Variants in SLC12A7 observed in about 807,000 individuals in gnomAD.
The protein encoded by SLC12A7 is K-Cl cotransporter 4.
In SLC12A7, 100 loss-of-function variants were observed where a neutral mutation model predicts 120.6. The ratio of observed to expected loss-of-function variants is 0.83; its 90% CI spans 0.71 to 0.98. SLC12A7 has a LOEUF of 0.98. SLC12A7 is among the 50% of genes least tolerant of loss of function. SLC12A7 has a pLI of 0.00. For synonymous variants in SLC12A7, 760 were observed against 678.0 expected (o/e 1.12, Z -1.88); for missense variants, 1,373 against 1,548.1 (o/e 0.89, Z 1.90).
At position 1,083,887 on chromosome 5, in the gene SLC12A7, G is replaced by A; in HGVS notation, c.987C>T (p.Ile329=). 3 of 1,608,416 alleles carry A rather than the reference G, an allele frequency of 1.9e-6. No homozygotes were observed. The highest frequency in any genetic ancestry group is 2.5e-6 in the Non-Finnish European group (3 of 1,178,612). Residue 329 remains isoleucine, a synonymous_variant, in exon 8 of 24, where the codon ATC becomes ATT. Coordinates refer to ENST00000264930, the MANE Select transcript of SLC12A7 (RefSeq NM_006598.3). Reference sequence around the variant, plus strand: ...GCGCGGAGGTGGCTGAGTTGTTGTGGATGCCGTAGGCCTTGACGCAGGCAT... The same window carrying A: ...GCGCGGAGGTGGCTGAGTTGTTGTGAATGCCGTAGGCCTTGACGCAGGCAT... ...SFDACVKAYG[I]HNNSATSALW...
intron 1 of SLC12A7, among the ~76,000 whole-genome samples, chr5:1,095,007 G>A (rs1410416354): frequency 1.6e-5 from 2 of 127,610 alleles, no homozygotes; most frequent in Non-Finnish European, 3.6e-5. Context: ...AGATAGGGTC[G>A]GTAGGAGGTG....
At chr5:1,137,263 C>T in the SLC12A7 span, among the ~76,000 whole-genome samples, 40 of 152,262 alleles carry the variant, frequency 2.6e-4, no homozygotes, top group African/African-American at 8.4e-4. Context: ...AGGCACGATC[C>T]GGAGCCACTT....
rs115953088 is a variant in SLC12A7, at chr5:1,058,727, T to C, written c.2848-1078A>G. 9.6e-3 allele frequency among the ~76,000 whole-genome samples: 1,459 copies of C among 152,316 alleles called. 20 individuals carry two copies. Among genetic ancestry groups the C allele is most frequent in the African/African-American group, 0.033 (1,375 of 41,576 alleles). ...ACAGTGGGCCCCAGGCCTCTACTCA[T>C]TGTGGCGCCCGGCCCAGCCTAAATT... On this transcript the variant is annotated intron_variant, in intron 21 of 23. Coordinates refer to ENST00000264930, the MANE Select transcript of SLC12A7 (RefSeq NM_006598.3).
In SLC12A7 at chr5:1,057,461, G is replaced by A. The variant is rs370295662; in HGVS notation, c.3026+10C>T. ...TCTGTTCCCCCCAGGCCACACGCAC[G>A]GACACTCACGGCTTCATGCTGAAGA... On this transcript the variant is annotated intron_variant, in intron 22 of 23. Transcript: ENST00000264930. 2.2e-4 allele frequency: 356 copies of A among 1,604,864 alleles called. No individual in the cohort carries two copies. Among genetic ancestry groups the A allele is most frequent in the Non-Finnish European group, 2.8e-4 (326 of 1,177,056 alleles).
At chr5:1,082,530 G>A (rs1322911985) in intron 8 of SLC12A7, among the ~76,000 whole-genome samples, 1 of 141,216 alleles carries the variant, frequency 7.1e-6, no homozygotes, top group African/African-American at 2.7e-5. Flanking sequence ...TCCCGTCTCA[G>A]GTTCTGGAAA....
chr5:1,151,878 C>A, the SLC12A7 span, among the ~76,000 whole-genome samples: 22 of 152,278 alleles, frequency 1.4e-4, no homozygotes, highest in African/African-American at 5.1e-4. The surrounding 1 kb of genome is among the most constrained non-coding windows in gnomAD (Gnocchi z 6.2). Flanking sequence ...TCTGGGGGCA[C>A]GCCAGGTGAC....
chr5:1,069,226 A>G (rs1243834829), intron 17 of SLC12A7, among the ~76,000 whole-genome samples: 1 of 152,186 alleles, frequency 6.6e-6, no homozygotes, highest in Non-Finnish European at 1.5e-5. Context: ...ACGTGGCGGG[A>G]GCGGCGGGGG....
Position 1,085,402 on chromosome 5 carries a change from G to T in SLC12A7, c.747C>A (p.His249Gln), listed in dbSNP as rs1324534032. 1 of 1,611,148 alleles carries T rather than the reference G, an allele frequency of 6.2e-7. No individual in the cohort carries two copies. Among genetic ancestry groups the T allele is most frequent in the Non-Finnish European group, 8.5e-7 (1 of 1,179,286 alleles). The change falls in exon 7 of 24, where the codon CAC becomes CAA. Residue 249 changes from histidine to glutamine, a missense_variant. Physicochemically the swap from His to Gln is conservative, Grantham distance 24. Transcript: ENST00000264930. ...AAGGEAAAML[H>Q]NMRVYGTCTL... ...TGCACGTGCCGTACACACGCATGTTGTGCAGCATGGCGGCCGCCTCGCCAC... is the reference window on the plus strand; with the variant it reads ...TGCACGTGCCGTACACACGCATGTTTTGCAGCATGGCGGCCGCCTCGCCAC...
At chr5:1,053,905 A>C (rs976426841) in intron 22 of SLC12A7, among the ~76,000 whole-genome samples, 2 of 152,150 alleles carry the variant, frequency 1.3e-5, no homozygotes, top group African/African-American at 4.8e-5. Context: ...TCGCCCCTAA[A>C]CCCCACGTCA....
At chr5:1,137,268 C>A in the SLC12A7 span, among the ~76,000 whole-genome samples, 1 of 152,178 alleles carries the variant, frequency 6.6e-6, no homozygotes, top group African/African-American at 2.4e-5. Flanking sequence ...CGATCCGGAG[C>A]CACTTCCTGC....
At chr5:1,133,267 C>T in the SLC12A7 span, among the ~76,000 whole-genome samples, 2 of 152,218 alleles carry the variant, frequency 1.3e-5, no homozygotes, top group African/African-American at 2.4e-5. Flanking sequence ...AACCAGGCGC[C>T]CTGCGCTGGG....
chr5:1,131,467 A>G, the SLC12A7 span, among the ~76,000 whole-genome samples: 26,906 of 152,206 alleles, frequency 0.18, 2,640 homozygotes, highest in Middle Eastern at 0.24. Context: ...ACAGTCCTGC[A>G]CGGCCGCCAC....
At chr5:1,141,817 G>A in the SLC12A7 span, among the ~76,000 whole-genome samples, 2 of 152,156 alleles carry the variant, frequency 1.3e-5, no homozygotes, top group East Asian at 1.9e-4. Flanking sequence ...AAGAGGGTTC[G>A]CCGGGACAGA....
rs1305106018 is a variant in SLC12A7 at position 1,078,744 on chromosome 5, C to A, written c.1411G>T (p.Val471Leu). 1 of 1,611,012 alleles carries A rather than the reference C, an allele frequency of 6.2e-7. No individual in the cohort carries two copies. Among genetic ancestry groups the A allele is most frequent in the African/African-American group, 1.3e-5 (1 of 74,366 alleles). Residue 471 changes from valine to leucine, a missense_variant, in exon 11 of 24, where the codon GTG becomes TTG. Coordinates refer to ENST00000264930, the MANE Select transcript of SLC12A7 (RefSeq NM_006598.3). Reference sequence around the variant, plus strand: ...CCTTCAATGCAGGCCCCAAACAGCACAATGCAGGAGAGATCCACAGCCCTC... The same window carrying A: ...CCTTCAATGCAGGCCCCAAACAGCAAAATGCAGGAGAGATCCACAGCCCTC... ...TTSFIYLSCI[V>L]LFGACIEGVV...
At chr5:1,091,519 G>A (rs931993086) in intron 3 of SLC12A7, among the ~76,000 whole-genome samples, 24 of 152,204 alleles carry the variant, frequency 1.6e-4, no homozygotes, top group Admixed American at 1.6e-3. Context: ...CAGCACACAG[G>A]CGGACAGACA....
the SLC12A7 span, among the ~76,000 whole-genome samples, chr5:1,155,797 G>A: frequency 6.6e-6 from 1 of 150,860 alleles, no homozygotes; most frequent in Non-Finnish European, 1.5e-5. Context: ...GTGGGGCGCT[G>A]GCTGTCGCCT....
At chr5:1,085,540 A>C in intron 6 of SLC12A7, 67 bp from the exon 7 acceptor site, 5 of 1,500,218 alleles carry the variant, frequency 3.3e-6, no homozygotes, top group Non-Finnish European at 4.4e-6. Context: ...TCCCTCCCGC[A>C]AGCCCCCAGC....
the SLC12A7 span, among the ~76,000 whole-genome samples, chr5:1,140,406 T>C: frequency 6.6e-6 from 1 of 152,232 alleles, no homozygotes; most frequent in Non-Finnish European, 1.5e-5. Flanking sequence ...CCACCGGGTC[T>C]GGAAGACACT....
chr5:1,084,133 A>T (rs1189675583), intron 7 of SLC12A7, among the ~76,000 whole-genome samples, 177 bp from the exon 8 acceptor site: 1 of 151,844 alleles, frequency 6.6e-6, no homozygotes, highest in Non-Finnish European at 1.5e-5. Context: ...GCCAGGCTGC[A>T]GCAGGAATGC....
Sources: allele counts gnomAD v4.1 joint callset (sites outside exome capture counted in the v4.1 genomes callset), GRCh38; gene constraint gnomAD v4.1.1; non-coding constraint Gnocchi (gnomAD v3.1); transcripts MANE v1.5; gene names NCBI Gene and HGNC (gene_info 2026-07-23, HGNC 2026-07-21).